CLINT1: variants seen among roughly 807,000 people sequenced by gnomAD.
CLINT1 encodes the protein clathrin interactor 1, also known as clathrin interacting protein localized in the trans-Golgi region.
In CLINT1, 15 loss-of-function variants were observed where a neutral mutation model predicts 70.4. That is an observed-to-expected ratio of 0.21 (90% CI 0.14 to 0.33). CLINT1 has a LOEUF of 0.33. CLINT1 is among the 10% of genes least tolerant of loss of function. CLINT1 has a pLI of 1.00. For synonymous variants in CLINT1, 227 were observed against 254.7 expected (o/e 0.89, Z 1.04); for missense variants, 615 against 778.1 (o/e 0.79, Z 2.49).
At chr5:157,803,779 T>C (rs1762303278) in intron 7 of CLINT1, 60 bp from the exon 8 acceptor site, 3 of 1,202,100 alleles carry the variant, frequency 2.5e-6, no homozygotes, top group Admixed American at 4.8e-5. Context: ...AAATCAGCTC[T>C]ATCCATCTCT....
chr5:157,820,875 A>G (rs996261598), intron 1 of CLINT1, among the ~76,000 whole-genome samples: 26 of 152,190 alleles, frequency 1.7e-4, no homozygotes, highest in African/African-American at 6.0e-4. Context: ...AAACACACAC[A>G]CAACAATCCA....
At chr5:157,793,780 T>C (rs1368540304) in intron 9 of CLINT1, among the ~76,000 whole-genome samples, 1 of 152,180 alleles carries the variant, frequency 6.6e-6, no homozygotes, top group Non-Finnish European at 1.5e-5. Context: ...CAAAAATAAG[T>C]AGTCAAAATA....
chr5:157,844,297 G>T (rs1432003932), intron 1 of CLINT1, among the ~76,000 whole-genome samples: 1 of 152,178 alleles, frequency 6.6e-6, no homozygotes, highest in East Asian at 1.9e-4. Context: ...TTTGATTAGG[G>T]TATAATATGG....
chr5:157,789,353 G>GGTTAA lies in CLINT1; in HGVS notation c.1531+9_1531+10insTTAAC. 1.9e-6 allele frequency: 3 copies of GGTTAA among 1,613,150 alleles called. No homozygotes were observed. The highest frequency in any genetic ancestry group is 2.5e-6 in the Non-Finnish European group (3 of 1,179,128). ...TACACAAAGAAGTGGGACGTCTTAA[G>GGTTAA]GTAACTTACTCTGTTGCTGAATCAT... On this transcript the variant is annotated intron_variant, in intron 11 of 11. Coordinates refer to ENST00000411809, the MANE Select transcript of CLINT1 (RefSeq NM_014666.4).
chr5:157,799,219 T>C (rs1336270428), intron 8 of CLINT1, among the ~76,000 whole-genome samples: 2 of 152,092 alleles, frequency 1.3e-5, no homozygotes, highest in African/African-American at 2.4e-5. Flanking sequence ...AAAGAGAATA[T>C]ACTGAAAAAA....
At chr5:157,829,738 C>A (rs1310445491) in intron 1 of CLINT1, among the ~76,000 whole-genome samples, 2 of 125,172 alleles carry the variant, frequency 1.6e-5, no homozygotes, top group Non-Finnish European at 1.6e-5. Flanking sequence ...GACAGGGTTT[C>A]GTCATGTTGC....
intron 1 of CLINT1, among the ~76,000 whole-genome samples, chr5:157,834,430 T>A (rs1028586568): frequency 2.0e-5 from 3 of 152,050 alleles, no homozygotes; most frequent in African/African-American, 7.3e-5. Context: ...TACTCTGTTC[T>A]GAGTAACAGA....
chr5:157,803,667 C>T lies in CLINT1; in HGVS notation c.995G>A (p.Gly332Asp). Reference protein sequence around the residue: ...SSGDLVDLFDGTSQSTGGSAD... With the variant: ...SSGDLVDLFDDTSQSTGGSAD... ...AAGCTTACCTGTTGACTGGCTGGTG[C>T]CATCAAACAGATCAACAAGGTCACC... The change falls in exon 8 of 12, where the codon GGC becomes GAC. Residue 332 changes from glycine to aspartate, a missense_variant. Gly to Asp is a moderately conservative substitution (Grantham distance 94). Transcript: ENST00000411809. 6.5e-7 allele frequency: 1 copy of T among 1,529,950 alleles called. No homozygotes were observed. Among genetic ancestry groups the T allele is most frequent in the Admixed American group, 1.8e-5 (1 of 56,154 alleles). 94.8% of individuals were successfully genotyped at this position (1,529,950 alleles called of 1,614,324 possible).
rs1761734485 is a variant in CLINT1 at position 157,786,635 on chromosome 5, T to C, written c.*1011A>G. Reference sequence around the variant, plus strand: ...ATTTAACTCCTCTATTGGAACCATATTGCTAATGCTGCATTATATACACTC... The same window carrying C: ...ATTTAACTCCTCTATTGGAACCATACTGCTAATGCTGCATTATATACACTC... On this transcript the variant is annotated 3_prime_UTR_variant, in exon 12 of 12. Transcript: ENST00000411809. 1 of 152,590 alleles carries C rather than the reference T, an allele frequency of 6.6e-6. No homozygotes were observed. The highest frequency in any genetic ancestry group is 1.5e-5 in the Non-Finnish European group (1 of 68,016). The allele number at this position is 152,590 out of a possible 1,614,324, so 9.5% of individuals were successfully genotyped here. A position where few individuals can be genotyped will look rare whatever the true frequency, so the allele number is the denominator to read the frequency against.
chr5:157,833,861 A>G (rs1763327859), intron 1 of CLINT1, among the ~76,000 whole-genome samples: 1 of 151,926 alleles, frequency 6.6e-6, no homozygotes. Flanking sequence ...GGATCACTTG[A>G]ACACAAGGAG....
Position 157,812,617 on chromosome 5 carries a change from C to T in CLINT1, c.517+446G>A, listed in dbSNP as rs183616441. Among the ~76,000 whole-genome samples, 4 of 152,254 alleles carry T rather than the reference C, an allele frequency of 2.6e-5. No individual in the cohort carries two copies. The East Asian group carries it at 7.7e-4, about 29-fold the overall frequency. ...TTAAATAAAGAAAGAGAGACTGAGG[C>T]TGGAATGACTGTCAGGAAGCTTATC... On this transcript the variant is annotated intron_variant, in intron 5 of 11. Coordinates refer to ENST00000411809, the MANE Select transcript of CLINT1 (RefSeq NM_014666.4).
In CLINT1 at chr5:157,791,371, T is replaced by G. The variant is rs141900036; in HGVS notation, c.1380+332A>C. On this transcript the variant is annotated intron_variant, in intron 10 of 11. Coordinates refer to ENST00000411809, the MANE Select transcript of CLINT1 (RefSeq NM_014666.4). Reference sequence around the variant, plus strand: ...CTGCGCCTGGCCTATTTCTTTTTCTTAAAGACAATTTAAAAAAACTATCAA... The same window carrying G: ...CTGCGCCTGGCCTATTTCTTTTTCTGAAAGACAATTTAAAAAAACTATCAA... Among the ~76,000 whole-genome samples the G allele has an allele frequency of 4.5e-3, 678 of 152,222 alleles. 6 individuals are homozygous for G. Among genetic ancestry groups the G allele is most frequent in the African/African-American group, 0.016 (646 of 41,534 alleles).
At chr5:157,801,786 A>C (rs141942133) in intron 8 of CLINT1, among the ~76,000 whole-genome samples, 150 of 152,340 alleles carry the variant, frequency 9.8e-4, no homozygotes, top group Middle Eastern at 3.4e-3. Context: ...GAATTTTAAC[A>C]TAGTAGGTAA....
chr5:157,847,954 T>C (rs1233708121), intron 1 of CLINT1, among the ~76,000 whole-genome samples: 3 of 152,054 alleles, frequency 2.0e-5, no homozygotes, highest in Non-Finnish European at 2.9e-5. Flanking sequence ...CTGAGACTAC[T>C]TGCCACCACA....
chr5:157,809,929 CCA>C, intron 5 of CLINT1, 124 bp from the exon 6 acceptor site: 1 of 903,804 alleles, frequency 1.1e-6, no homozygotes, highest in Non-Finnish European at 1.7e-6. Flanking sequence ...CAGAAAGCTC[CCA>C]CAGTGCTGAA....
intron 1 of CLINT1, among the ~76,000 whole-genome samples, chr5:157,824,931 A>G (rs9688216): frequency 6.6e-6 from 1 of 152,224 alleles, no homozygotes. Flanking sequence ...ATAAATATTT[A>G]AAAAGATATA....
intron 1 of CLINT1, among the ~76,000 whole-genome samples, chr5:157,853,808 A>G (rs1753659739): frequency 6.6e-6 from 1 of 150,692 alleles, no homozygotes; most frequent in Non-Finnish European, 1.5e-5. Flanking sequence ...AAAAAGAAAA[A>G]CTGCTTGTAA....
chr5:157,812,473 T>G (rs113495019), intron 5 of CLINT1, among the ~76,000 whole-genome samples: 21 of 152,294 alleles, frequency 1.4e-4, no homozygotes, highest in African/African-American at 4.6e-4. Flanking sequence ...AAAATAAACA[T>G]GAAAGATGAA....
chr5:157,856,229 G>A (rs1484178714), intron 1 of CLINT1, among the ~76,000 whole-genome samples: 1 of 152,138 alleles, frequency 6.6e-6, no homozygotes, highest in African/African-American at 2.4e-5. Context: ...GTAAAAACTA[G>A]TTCCAACTAT....
Sources: allele counts gnomAD v4.1 joint callset (sites outside exome capture counted in the v4.1 genomes callset), GRCh38; gene constraint gnomAD v4.1.1; transcripts MANE v1.5; gene names NCBI Gene and HGNC (gene_info 2026-07-23, HGNC 2026-07-21).